STARD13: variants seen among roughly 807,000 people sequenced by gnomAD.
The protein encoded by STARD13 is StAR related lipid transfer domain containing 13.
Under a neutral mutation model 106.4 loss-of-function variants are expected in STARD13, and 62 were observed. The ratio of observed to expected loss-of-function variants is 0.58; its 90% CI spans 0.48 to 0.72. STARD13 has a LOEUF of 0.72. Among genes scored for constraint, STARD13 ranks in the 30% least tolerant of loss-of-function variants. The pLI, the probability that STARD13 is intolerant of heterozygous loss-of-function variation, is 0.00. For synonymous variants in STARD13, 565 were observed against 553.0 expected (o/e 1.02, Z -0.31); for missense variants, 1,387 against 1,424.0 (o/e 0.97, Z 0.42).
chr13:33,337,218 TCTC>T (rs1168092166), intron 1 of STARD13, among the ~76,000 whole-genome samples: 1 of 152,148 alleles, frequency 6.6e-6, no homozygotes, highest in Non-Finnish European at 1.5e-5. Flanking sequence ...TATTACTACC[TCTC>T]CTAATTTCCT....
At chr13:33,397,511 C>A in the STARD13 span, among the ~76,000 whole-genome samples, 1 of 152,160 alleles carries the variant, frequency 6.6e-6, no homozygotes, top group Non-Finnish European at 1.5e-5. Flanking sequence ...ATATCTTCTG[C>A]CAACATCTTG....
At chr13:33,194,015 CCT>C (rs1886438119) in intron 1 of STARD13, among the ~76,000 whole-genome samples, 1 of 151,640 alleles carries the variant, frequency 6.6e-6, no homozygotes, top group Non-Finnish European at 1.5e-5. Context: ...TTGTTTTTTT[CCT>C]GTTACAAACT....
the STARD13 span, among the ~76,000 whole-genome samples, chr13:33,419,382 A>T: frequency 1.3e-5 from 2 of 152,364 alleles, no homozygotes; most frequent in Non-Finnish European, 2.9e-5. Context: ...TGAAGATCAA[A>T]TTAATGAAAT....
intron 1 of STARD13, among the ~76,000 whole-genome samples, chr13:33,264,326 A>T (rs751047348): frequency 6.6e-6 from 1 of 152,220 alleles, no homozygotes; most frequent in African/African-American, 2.4e-5. Flanking sequence ...AGTTTGGGAC[A>T]GTTTGTTACA....
chr13:33,602,309 T>C, the STARD13 span, among the ~76,000 whole-genome samples: 1 of 152,266 alleles, frequency 6.6e-6, no homozygotes, highest in South Asian at 2.1e-4. Flanking sequence ...GCCAGGATGG[T>C]CTCGATCTCC....
At chr13:33,275,063 TTATC>T (rs1268679471) in intron 1 of STARD13, among the ~76,000 whole-genome samples, 3 of 152,158 alleles carry the variant, frequency 2.0e-5, no homozygotes, top group Non-Finnish European at 4.4e-5. Context: ...GCTTTACTAT[TTATC>T]TATAAGACCT....
chr13:33,510,552 A>G, the STARD13 span, among the ~76,000 whole-genome samples: 2 of 152,160 alleles, frequency 1.3e-5, no homozygotes, highest in Non-Finnish European at 2.9e-5. Flanking sequence ...TTCTTCATTC[A>G]TGGTGATTAC....
the STARD13 span, among the ~76,000 whole-genome samples, chr13:33,391,598 C>T: frequency 6.6e-6 from 1 of 152,040 alleles, no homozygotes; most frequent in East Asian, 1.9e-4. Flanking sequence ...TTATAAATGA[C>T]CGTTAGGTGG....
At chr13:33,189,888 C>T (rs1886117073) in intron 1 of STARD13, among the ~76,000 whole-genome samples, 2 of 152,006 alleles carry the variant, frequency 1.3e-5, no homozygotes, top group African/African-American at 4.8e-5. Flanking sequence ...ATCTTACTTT[C>T]AACTGCAACC....
chr13:33,332,212 C>T (rs1406075876), intron 1 of STARD13, among the ~76,000 whole-genome samples: 3 of 152,190 alleles, frequency 2.0e-5, no homozygotes, highest in Non-Finnish European at 4.4e-5. Context: ...CTTCCACAGG[C>T]TCCTGCTTCA....
chr13:33,466,449 C>G, the STARD13 span, among the ~76,000 whole-genome samples: 1 of 152,150 alleles, frequency 6.6e-6, no homozygotes, highest in Non-Finnish European at 1.5e-5. Flanking sequence ...CCTCAGCCCC[C>G]TACTGGCTTA....
chr13:33,424,514 C>T, the STARD13 span, among the ~76,000 whole-genome samples: 1 of 152,134 alleles, frequency 6.6e-6, no homozygotes, highest in African/African-American at 2.4e-5. Context: ...AAAGTGAAAT[C>T]ATTTAAAGTG....
At chr13:33,151,736 G>T (rs751439485) in intron 3 of STARD13, among the ~76,000 whole-genome samples, 5 of 152,220 alleles carry the variant, frequency 3.3e-5, no homozygotes, top group Non-Finnish European at 7.3e-5. Flanking sequence ...ACATAGATTT[G>T]CATTTTAGAA....
At chr13:33,525,215 G>T in the STARD13 span, among the ~76,000 whole-genome samples, 2 of 152,026 alleles carry the variant, frequency 1.3e-5, no homozygotes, top group Non-Finnish European at 2.9e-5. Context: ...TAGAGACAGG[G>T]TCTCGCTACG....
chr13:33,385,931 G>A, the STARD13 span, among the ~76,000 whole-genome samples: 9 of 151,434 alleles, frequency 5.9e-5, no homozygotes, highest in Non-Finnish European at 1.2e-4. Context: ...CCTAATGTGT[G>A]AGTCAAATTG....
In STARD13 at chr13:33,179,225, A is replaced by C. The variant is rs563295972; in HGVS notation, c.170-11603T>G. Reference sequence around the variant, plus strand: ...GAGGGCATAATTGAACCAGATGGGCACAAGAGGGGTAAATACGGCATCAAG... The same window carrying C: ...GAGGGCATAATTGAACCAGATGGGCCCAAGAGGGGTAAATACGGCATCAAG... On this transcript the variant is annotated intron_variant, in intron 1 of 13. Transcript: ENST00000336934. Among the ~76,000 whole-genome samples the C allele has an allele frequency of 1.1e-4, 17 of 152,340 alleles. No individual in the cohort carries two copies. The East Asian group carries it at 2.5e-3, about 22-fold the overall frequency.
the STARD13 span, among the ~76,000 whole-genome samples, chr13:33,648,821 C>T: frequency 1.3e-4 from 10 of 75,312 alleles, no homozygotes; most frequent in African/African-American, 3.7e-4. Context: ...GACAGAATTT[C>T]GCTCTTGTTG....
the STARD13 span, among the ~76,000 whole-genome samples, chr13:33,371,273 G>A: frequency 4.6e-5 from 7 of 152,026 alleles, no homozygotes; most frequent in Non-Finnish European, 1.0e-4. Context: ...TAGACACTAT[G>A]TCCTTTCTGA....
chr13:33,451,456 A>C, the STARD13 span, among the ~76,000 whole-genome samples: 4 of 152,152 alleles, frequency 2.6e-5, no homozygotes, highest in Non-Finnish European at 5.9e-5. Context: ...CCCGGACTAG[A>C]GTATGTATAC....
Sources: allele counts gnomAD v4.1 joint callset (sites outside exome capture counted in the v4.1 genomes callset), GRCh38; gene constraint gnomAD v4.1.1; transcripts MANE v1.5; gene names NCBI Gene and HGNC (gene_info 2026-07-23, HGNC 2026-07-21).